UST: variants seen among roughly 807,000 people sequenced by gnomAD.
UST encodes chondroitin sulfate 2-O-sulfotransferase.
A neutral mutation model predicts 45.6 loss-of-function variants in UST; 21 were observed. The observed-to-expected ratio is 0.46, with a 90% CI of 0.33 to 0.66. The LOEUF (loss-of-function observed/expected upper bound fraction) is 0.66. UST is among the 30% of genes least tolerant of loss of function. The probability of loss-of-function intolerance (pLI) is 0.02; values close to 1 mark genes in which losing one functional copy is unlikely to be tolerated. For missense variants in UST, 463 were observed against 512.4 expected (o/e 0.90, Z 0.93); for synonymous variants, 215 against 200.6 (o/e 1.07, Z -0.61).
intron 5 of UST, among the ~76,000 whole-genome samples, chr6:148,986,512 G>T (rs1255901625): frequency 6.6e-6 from 1 of 152,178 alleles, no homozygotes. Flanking sequence ...TGAAAATTTG[G>T]CCATATAGGA....
chr6:149,009,993 T>C (rs1184200064), intron 5 of UST, among the ~76,000 whole-genome samples: 1 of 151,530 alleles, frequency 6.6e-6, no homozygotes, highest in Non-Finnish European at 1.5e-5. Flanking sequence ...TTTCTTCCCA[T>C]CTATCTTTAA....
intron 1 of UST, among the ~76,000 whole-genome samples, chr6:148,825,992 A>T (rs1777561366): frequency 6.6e-6 from 1 of 152,148 alleles, no homozygotes; most frequent in South Asian, 2.1e-4. Context: ...TCACAAAGAG[A>T]CACTGAGAGC....
At chr6:148,846,261 G>A (rs1192767639) in intron 1 of UST, among the ~76,000 whole-genome samples, 4 of 151,496 alleles carry the variant, frequency 2.6e-5, no homozygotes, top group African/African-American at 7.3e-5. Context: ...GGAATACTAT[G>A]CAGCCATAAA....
intron 7 of UST, among the ~76,000 whole-genome samples, chr6:149,043,763 G>C (rs1481132160): frequency 1.3e-5 from 2 of 152,272 alleles, no homozygotes; most frequent in African/African-American, 2.4e-5. Context: ...TGTTTATGCG[G>C]GTTGACTTCT....
At chr6:148,988,481 C>A (rs1781278823) in intron 5 of UST, among the ~76,000 whole-genome samples, 1 of 135,016 alleles carries the variant, frequency 7.4e-6, no homozygotes, top group African/African-American at 2.8e-5. Context: ...GGCTGAGGCA[C>A]AAGAATTGCT....
chr6:148,816,379 A>G (rs1356109997), intron 1 of UST, among the ~76,000 whole-genome samples: 1 of 152,198 alleles, frequency 6.6e-6, no homozygotes, highest in East Asian at 1.9e-4. Context: ...CCTTGCACCC[A>G]CTTGAGAAGT....
chr6:148,957,842 A>G (rs971752206), intron 4 of UST, among the ~76,000 whole-genome samples: 1 of 152,212 alleles, frequency 6.6e-6, no homozygotes, highest in Admixed American at 6.5e-5. Context: ...CTGCTGACAG[A>G]CCTATTGCTT....
intron 1 of UST, among the ~76,000 whole-genome samples, chr6:148,825,213 T>C (rs1031515070): frequency 5.3e-5 from 8 of 152,142 alleles, no homozygotes; most frequent in African/African-American, 1.9e-4. Flanking sequence ...GGATGTGGGT[T>C]GGCAGTCTGA....
intron 7 of UST, among the ~76,000 whole-genome samples, chr6:149,050,501 A>G (rs1472601332): frequency 6.6e-6 from 1 of 152,218 alleles, no homozygotes; most frequent in Non-Finnish European, 1.5e-5. Flanking sequence ...CCTCCCTCCC[A>G]TTACATACCA....
chr6:149,043,602 C>T (rs1052953142), intron 7 of UST, among the ~76,000 whole-genome samples: 1 of 152,248 alleles, frequency 6.6e-6, no homozygotes, highest in Non-Finnish European at 1.5e-5. Context: ...TGGTGGGAGC[C>T]TTGATGTGGA....
intron 1 of UST, among the ~76,000 whole-genome samples, chr6:148,754,907 G>A (rs1387449545): frequency 1.3e-5 from 2 of 152,106 alleles, no homozygotes; most frequent in African/African-American, 2.4e-5. Flanking sequence ...AGAATCCTGG[G>A]GGTCTTGTTT....
intron 1 of UST, among the ~76,000 whole-genome samples, chr6:148,852,271 C>T (rs1189835119): frequency 6.6e-6 from 1 of 152,194 alleles, no homozygotes; most frequent in Non-Finnish European, 1.5e-5. Flanking sequence ...AAAAGACAGT[C>T]ACTGTAAATA....
intron 1 of UST, among the ~76,000 whole-genome samples, chr6:148,788,607 G>C (rs1203247821): frequency 6.6e-6 from 1 of 151,992 alleles, no homozygotes; most frequent in African/African-American, 2.4e-5. Flanking sequence ...CATCCAATCT[G>C]CGTGGCTGTG....
intron 5 of UST, among the ~76,000 whole-genome samples, chr6:149,012,903 T>C (rs1775836988): frequency 6.6e-6 from 1 of 152,114 alleles, no homozygotes; most frequent in African/African-American, 2.4e-5. Flanking sequence ...ATAATAAAGA[T>C]GGCATAATCT....
chr6:148,833,413 G>A lies in UST; in HGVS notation c.248-53573G>A, dbSNP rs952150854. 1.5e-4 allele frequency among the ~76,000 whole-genome samples: 23 copies of A among 152,268 alleles called. No individual in the cohort carries two copies. In the Middle Eastern group the frequency reaches 0.01, roughly 68 times the overall value. On this transcript the variant is annotated intron_variant, in intron 1 of 7. Transcript: ENST00000367463. ...GAGTTGGGAGGATCGCTTGAGCCCC[G>A]GAGGCAGAGCTTGCAGTGACCTGAG...
intron 1 of UST, among the ~76,000 whole-genome samples, chr6:148,849,328 C>T (rs1172523933): frequency 6.6e-6 from 1 of 152,120 alleles, no homozygotes; most frequent in Non-Finnish European, 1.5e-5. Context: ...CATAAACCTC[C>T]TTCTTTGAGT....
intron 2 of UST, among the ~76,000 whole-genome samples, chr6:148,932,549 T>A (rs1779941691): frequency 6.6e-6 from 1 of 152,224 alleles, no homozygotes; most frequent in African/African-American, 2.4e-5. Context: ...AATTTGAAAT[T>A]TGAAAATATT....
rs569429430 is a variant in UST at position 148,930,931 on chromosome 6, A to G, written c.292-10348A>G. Among the ~76,000 whole-genome samples the G allele has an allele frequency of 2.6e-5, 4 of 152,376 alleles. No homozygotes were observed. The South Asian group carries it at 8.3e-4, about 32-fold the overall frequency. The stretch of plus-strand genomic sequence containing the variant: ...ATTCAGACATTTCAAATGGAAAATA[A>G]TGATGTGATTCACAGTGAACAGTAT... On this transcript the variant is annotated intron_variant, in intron 2 of 7. Transcript: ENST00000367463.
At chr6:148,868,425 G>T (rs1778486771) in intron 1 of UST, among the ~76,000 whole-genome samples, 1 of 151,214 alleles carries the variant, frequency 6.6e-6, no homozygotes, top group Non-Finnish European at 1.5e-5. Flanking sequence ...CCTGTAATCT[G>T]CATCAACCCT....
Sources: gnomAD v4.1 joint callset for allele counts (sites outside exome capture counted in the v4.1 genomes callset) on GRCh38, gnomAD v4.1.1 for gene constraint, MANE v1.5 for transcripts, NCBI Gene and HGNC (gene_info 2026-07-23, HGNC 2026-07-21) for gene names.